SAMSN1: variants seen among roughly 807,000 people sequenced by gnomAD.
SAMSN1 encodes the protein SAM domain-containing protein SAMSN-1.
A neutral mutation model predicts 42.0 loss-of-function variants in SAMSN1; 31 were observed. That is an observed-to-expected ratio of 0.74 (90% CI 0.55 to 1.00). The LOEUF is 1.00. SAMSN1 is among the 50% of genes least tolerant of loss of function. The probability of loss-of-function intolerance (pLI) is 0.00; values close to 1 mark genes in which losing one functional copy is unlikely to be tolerated. For missense variants in SAMSN1, 464 were observed against 439.4 expected (o/e 1.06, Z -0.50); for synonymous variants, 178 against 151.9 (o/e 1.17, Z -1.26).
chr21:14,524,945 T>A (rs1239277534), intron 1 of SAMSN1, among the ~76,000 whole-genome samples: 1 of 152,190 alleles, frequency 6.6e-6, no homozygotes, highest in Non-Finnish European at 1.5e-5. Flanking sequence ...GGAAATGTTA[T>A]AATTATATTC....
Position 14,619,615 on chromosome 21 carries a change from CTG to C in SAMSN1, c.157-3601_157-3600del. The C allele has an allele frequency of 1.0e-5, 3 of 285,752 alleles. No individual in the cohort carries two copies. The South Asian group carries it at 1.1e-4, about 10-fold the overall frequency. 17.7% of individuals were successfully genotyped at this position (285,752 alleles called of 1,614,324 possible). Reference sequence around the variant, plus strand: ...TTGAACATCTACTATGTACCAGACACTGTTGTAGGGGAGAAAAGATTTATTTC... The same window carrying C: ...TTGAACATCTACTATGTACCAGACACTTGTAGGGGAGAAAAGATTTATTTC... On this transcript the variant is annotated intron_variant, in intron 2 of 15. Coordinates refer to the SAMSN1 transcript ENST00000647101.
chr21:14,557,234 G>C lies in SAMSN1; in HGVS notation c.261+24902C>G, dbSNP rs150686002. Among the ~76,000 whole-genome samples, 149 of 152,220 alleles carry C rather than the reference G, an allele frequency of 9.8e-4. 1 individual carries two copies. Among genetic ancestry groups the C allele is most frequent in the Non-Finnish European group, 3.1e-4 (21 of 67,994 alleles). On this transcript the variant is annotated intron_variant, in intron 2 of 8. Transcript: ENST00000285670. ...GAGTTCAGACAAGCTACATGAACTTGAGCCTGACACCTGTCCTCTCCAAGT... is the reference window on the plus strand; with the variant it reads ...GAGTTCAGACAAGCTACATGAACTTCAGCCTGACACCTGTCCTCTCCAAGT...
chr21:14,640,964 G>T (rs1416315309), intron 2 of SAMSN1, among the ~76,000 whole-genome samples: 1 of 151,432 alleles, frequency 6.6e-6, no homozygotes, highest in Non-Finnish European at 1.5e-5. Flanking sequence ...AATTTTAGTC[G>T]ACTAGTTGGC....
chr21:14,577,048 CTTTT>C (rs991163598), intron 2 of SAMSN1, among the ~76,000 whole-genome samples: 451 of 54,848 alleles, frequency 8.2e-3, no homozygotes, highest in African/African-American at 0.03. Context: ...GCATCCGTTT[CTTTT>C]TTTTTTTTTT....
At chr21:14,651,657 A>G (rs1983839456) in intron 1 of SAMSN1, among the ~76,000 whole-genome samples, 1 of 152,010 alleles carries the variant, frequency 6.6e-6, no homozygotes, top group African/African-American at 2.4e-5. Context: ...TATTCCACAT[A>G]GTACTGGAAG....
At chr21:14,620,869 T>C (rs913028813) in intron 2 of SAMSN1, among the ~76,000 whole-genome samples, 2 of 152,242 alleles carry the variant, frequency 1.3e-5, no homozygotes, top group Admixed American at 6.5e-5. Flanking sequence ...TATGTAAATA[T>C]GTATAACACA....
intron 2 of SAMSN1, among the ~76,000 whole-genome samples, chr21:14,577,266 ATATATATATATATATATATTTTT>A (rs1981524275): frequency 2.1e-5 from 1 of 47,962 alleles, no homozygotes; most frequent in Non-Finnish European, 3.9e-5. Flanking sequence ...ATATATATAT[ATATATATATATATATATATTTTT>A]TTTTTAGAAG....
intron 6 of SAMSN1, among the ~76,000 whole-genome samples, chr21:14,599,444 C>A (rs989238637): frequency 6.6e-6 from 1 of 152,160 alleles, no homozygotes; most frequent in African/African-American, 2.4e-5. Flanking sequence ...GAGGCCTCCC[C>A]AGCAAGGCAA....
chr21:14,528,664 CA>C (rs1037809651), intron 1 of SAMSN1, among the ~76,000 whole-genome samples: 44 of 152,304 alleles, frequency 2.9e-4, no homozygotes, highest in African/African-American at 1.1e-3. Context: ...ATTATTTCTC[CA>C]AACTTTATTG....
At chr21:14,647,002 A>G (rs574013900) in intron 1 of SAMSN1, among the ~76,000 whole-genome samples, 1 of 152,316 alleles carries the variant, frequency 6.6e-6, no homozygotes, top group Admixed American at 6.5e-5. Context: ...GGAGAGAAAG[A>G]AGGAAGATAA....
At chr21:14,546,902 G>A (rs1980423208), upstream of SAMSN1, among the ~76,000 whole-genome samples, 3 of 151,804 alleles carry the variant, frequency 2.0e-5, no homozygotes, top group Admixed American at 2.0e-4. Flanking sequence ...GTAGAGATGG[G>A]GTTTCACCAT....
intron 1 of SAMSN1, among the ~76,000 whole-genome samples, chr21:14,657,126 C>G (rs890100536): frequency 3.3e-5 from 5 of 151,732 alleles, no homozygotes; most frequent in Non-Finnish European, 7.4e-5. Context: ...TGAGAACCTA[C>G]ACTAAATTAT....
intron 2 of SAMSN1, among the ~76,000 whole-genome samples, chr21:14,580,979 A>G (rs912007411): frequency 2.6e-5 from 4 of 152,228 alleles, no homozygotes; most frequent in Admixed American, 2.0e-4. Context: ...CTTAAGTACT[A>G]GAAGATTTAT....
upstream of SAMSN1, among the ~76,000 whole-genome samples, chr21:14,587,680 G>A (rs568335215): frequency 4.6e-5 from 7 of 151,994 alleles, no homozygotes; most frequent in East Asian, 1.2e-3. Context: ...CCTCTCTGCA[G>A]AGCTTCAGAC....
chr21:14,636,947 A>G (rs1983483411), intron 2 of SAMSN1, among the ~76,000 whole-genome samples: 1 of 152,244 alleles, frequency 6.6e-6, no homozygotes, highest in South Asian at 2.1e-4. Context: ...CAAAAAGTTT[A>G]TAACTAATTG....
chr21:14,639,411 AAG>A (rs1232260024), intron 2 of SAMSN1, among the ~76,000 whole-genome samples: 13 of 152,162 alleles, frequency 8.5e-5, no homozygotes, highest in Admixed American at 8.5e-4. Flanking sequence ...CAAAGAAAAC[AAG>A]AGAGGGCCAA....
intron 5 of SAMSN1, 31 bp downstream of exon 5, chr21:14,510,279 A>T (rs765387357): frequency 4.4e-6 from 7 of 1,609,160 alleles, no homozygotes; most frequent in Non-Finnish European, 6.0e-6. Flanking sequence ...TTGACAGACC[A>T]TTCAGAAGGT....
At chr21:14,509,785 A>G (rs1189864294) in intron 5 of SAMSN1, among the ~76,000 whole-genome samples, 3 of 152,148 alleles carry the variant, frequency 2.0e-5, no homozygotes, top group Admixed American at 1.3e-4. Flanking sequence ...CATAATAACA[A>G]CTTACACTAA....
intron 7 of SAMSN1, among the ~76,000 whole-genome samples, chr21:14,590,108 T>G (rs752833254): frequency 1.4e-4 from 21 of 152,178 alleles, no homozygotes; most frequent in Non-Finnish European, 2.8e-4. Context: ...TAGAAATTTT[T>G]TAATGCTCCC....
Sources: gnomAD v4.1 joint callset for allele counts (sites outside exome capture counted in the v4.1 genomes callset) on GRCh38, gnomAD v4.1.1 for gene constraint, MANE v1.5 for transcripts, NCBI Gene and HGNC (gene_info 2026-07-23, HGNC 2026-07-21) for gene names.